The following LYRM4 variants were observed in gnomAD, a reference collection of about 807,000 sequenced individuals.
LYRM4 encodes LYR motif containing 4.
In LYRM4, 9 loss-of-function variants were observed where a neutral mutation model predicts 11.7. That is an observed-to-expected ratio of 0.77 (90% CI 0.46 to 1.34). The LOEUF (loss-of-function observed/expected upper bound fraction) is 1.34. Ranked by LOEUF, LYRM4 falls within the 40% of genes most tolerant of loss-of-function variation. The pLI is 0.00. For missense variants in LYRM4, 133 were observed against 112.5 expected (o/e 1.18, Z -0.82); for synonymous variants, 42 against 40.4 (o/e 1.04, Z -0.15).
downstream of LYRM4, among the ~76,000 whole-genome samples, chr6:5,099,391 C>CTCTACCTATCTA (rs1554124400): frequency 3.4e-5 from 5 of 145,442 alleles, no homozygotes; most frequent in Non-Finnish European, 7.5e-5. The surrounding 1 kb of genome is among the most constrained non-coding windows in gnomAD (Gnocchi z 4.3). Flanking sequence ...AAATCTATTT[C>CTCTACCTATCTA]TCTATCTATC....
At chr6:5,253,345 G>A (rs1764518418) in intron 1 of LYRM4, among the ~76,000 whole-genome samples, 2 of 151,826 alleles carry the variant, frequency 1.3e-5, no homozygotes, top group Non-Finnish European at 2.9e-5. Context: ...TTTTTGCATT[G>A]CTGGAATTTG....
intron 2 of LYRM4, among the ~76,000 whole-genome samples, chr6:5,157,428 T>C (rs1758479079): frequency 6.6e-6 from 1 of 152,072 alleles, no homozygotes; most frequent in Non-Finnish European, 1.5e-5. Flanking sequence ...CTCATACAAT[T>C]AGATATTCAC....
intron 2 of LYRM4, among the ~76,000 whole-genome samples, chr6:5,130,383 C>G (rs767303387): frequency 6.6e-6 from 1 of 152,218 alleles, no homozygotes. Flanking sequence ...GCTCCCTGTT[C>G]GTCAGGCTGG....
intron 2 of LYRM4, among the ~76,000 whole-genome samples, chr6:5,123,324 C>CAG (rs2127604803): frequency 6.6e-6 from 1 of 152,294 alleles, no homozygotes; most frequent in Non-Finnish European, 1.5e-5. Context: ...TGAGAGAGAA[C>CAG]AGAGGGTGGG....
chr6:5,116,589 C>T (rs1763128536), intron 2 of LYRM4, among the ~76,000 whole-genome samples: 1 of 152,192 alleles, frequency 6.6e-6, no homozygotes, highest in Non-Finnish European at 1.5e-5. Flanking sequence ...TAAGGTAGTG[C>T]AATTAACACC....
chr6:5,148,605 A>AT (rs546655116), intron 2 of LYRM4, among the ~76,000 whole-genome samples: 1 of 145,792 alleles, frequency 6.9e-6, no homozygotes, highest in Non-Finnish European at 1.6e-5. Context: ...TATAGAAAGT[A>AT]TTTTTTAATG....
chr6:5,146,045 T>C (rs1236737101), intron 2 of LYRM4, among the ~76,000 whole-genome samples: 2 of 152,166 alleles, frequency 1.3e-5, no homozygotes, highest in African/African-American at 4.8e-5. Flanking sequence ...ATACATTCAA[T>C]GAGATCGCTT....
intron 2 of LYRM4, among the ~76,000 whole-genome samples, chr6:5,120,711 T>C (rs1195188831): frequency 6.6e-6 from 1 of 152,160 alleles, no homozygotes; most frequent in African/African-American, 2.4e-5. Context: ...GATTGGTCCA[T>C]TTTGCGAACC....
chr6:5,144,224 C>T, intron 2 of LYRM4: 1 of 1,537,032 alleles, frequency 6.5e-7, no homozygotes, highest in Non-Finnish European at 8.7e-7. Flanking sequence ...GGCTGCTGTT[C>T]CCCGACTTCC....
the LYRM4 span, among the ~76,000 whole-genome samples, chr6:5,053,920 G>C: frequency 6.6e-6 from 1 of 152,152 alleles, no homozygotes; most frequent in Admixed American, 6.5e-5. Flanking sequence ...AGGTAAAGAG[G>C]CTCCCAGAAT....
At chr6:5,055,086 G>A in the LYRM4 span, among the ~76,000 whole-genome samples, 368 of 152,268 alleles carry the variant, frequency 2.4e-3, 1 homozygote, top group African/African-American at 8.5e-3. The surrounding 1 kb of genome is among the most constrained non-coding windows in gnomAD (Gnocchi z 4.5). Context: ...AAGAACCTTG[G>A]CTTAAGCTCC....
chr6:5,204,540 C>T (rs554770117), intron 2 of LYRM4, among the ~76,000 whole-genome samples: 1 of 152,276 alleles, frequency 6.6e-6, no homozygotes, highest in Non-Finnish European at 1.5e-5. Flanking sequence ...CTTCTCCCTC[C>T]CTCTCTTCCC....
chr6:5,186,047 G>A (rs998788925), intron 2 of LYRM4, among the ~76,000 whole-genome samples: 11 of 152,202 alleles, frequency 7.2e-5, no homozygotes, highest in Non-Finnish European at 1.5e-4. Context: ...CTGGAACCCT[G>A]GGTATCTGTG....
At chr6:5,243,675 G>A (rs932201984) in intron 1 of LYRM4, among the ~76,000 whole-genome samples, 5 of 152,116 alleles carry the variant, frequency 3.3e-5, no homozygotes, top group Admixed American at 6.6e-5. Context: ...ATTACCAGAA[G>A]ACTATATATG....
chr6:5,078,849 C>T, the LYRM4 span, among the ~76,000 whole-genome samples: 2 of 152,154 alleles, frequency 1.3e-5, no homozygotes, highest in Non-Finnish European at 2.9e-5. Context: ...GTGGCTTTAG[C>T]TTAAGCAAGC....
chr6:5,032,934 A>C, the LYRM4 span: 1 of 149,996 alleles, frequency 6.7e-6, no homozygotes, highest in Non-Finnish European at 1.5e-5. Flanking sequence ...CTCTTCCTTG[A>C]CCTCCTTCCC....
At chr6:5,253,397 G>A (rs536505301) in intron 1 of LYRM4, among the ~76,000 whole-genome samples, 39 of 149,450 alleles carry the variant, frequency 2.6e-4, no homozygotes, top group Admixed American at 1.1e-3. Flanking sequence ...ATGTGGTTAT[G>A]TTATACATCA....
At chr6:5,189,880 A>AGAGGTT (rs1283514583) in intron 2 of LYRM4, among the ~76,000 whole-genome samples, 2 of 152,240 alleles carry the variant, frequency 1.3e-5, no homozygotes, top group African/African-American at 2.4e-5. Flanking sequence ...TTTATATAAC[A>AGAGGTT]GAGGTTGATC....
intron 2 of LYRM4, among the ~76,000 whole-genome samples, chr6:5,186,085 G>C (rs1760374679): frequency 6.6e-6 from 1 of 152,174 alleles, no homozygotes; most frequent in African/African-American, 2.4e-5. Context: ...CAGCATGGGG[G>C]GTTACTGCTT....
Sources: gnomAD v4.1 joint callset for allele counts (sites outside exome capture counted in the v4.1 genomes callset) on GRCh38, gnomAD v4.1.1 for gene constraint, Gnocchi (gnomAD v3.1) non-coding constraint, MANE v1.5 for transcripts, NCBI Gene and HGNC (gene_info 2026-07-23, HGNC 2026-07-21) for gene names.